The following PKD1L1 variants were observed in gnomAD, a reference collection of about 807,000 sequenced individuals.
PKD1L1 encodes the protein polycystin 1 like 1, transient receptor potential channel interacting.
PKD1L1 carries 236 observed loss-of-function variants against 323.4 expected under a neutral mutation model. The ratio of observed to expected loss-of-function variants is 0.73; its 90% CI spans 0.66 to 0.81. The LOEUF (loss-of-function observed/expected upper bound fraction) is 0.81, where lower values mean the gene tolerates loss of function less well. Among genes scored for constraint, PKD1L1 ranks in the 40% least tolerant of loss-of-function variants. The pLI, the probability that PKD1L1 is intolerant of heterozygous loss-of-function variation, is 0.00. For synonymous variants in PKD1L1, 1,344 were observed against 1,335.0 expected (o/e 1.01, Z -0.15); for missense variants, 3,320 against 3,508.0 (o/e 0.95, Z 1.35).
At chr7:47,883,482 C>T (rs1786610612) in intron 19 of PKD1L1, among the ~76,000 whole-genome samples, 1 of 152,238 alleles carries the variant, frequency 6.6e-6, no homozygotes, top group Admixed American at 6.5e-5. Flanking sequence ...AAAACCTTGG[C>T]TTAAGGGCTC....
intron 30 of PKD1L1, among the ~76,000 whole-genome samples, chr7:47,854,218 C>T (rs891919246): frequency 6.6e-6 from 1 of 152,120 alleles, no homozygotes; most frequent in Non-Finnish European, 1.5e-5. Flanking sequence ...TCACGAGAAC[C>T]CTTTAATCTA....
upstream of PKD1L1, among the ~76,000 whole-genome samples, chr7:47,952,523 TGAGA>T (rs753347367): frequency 6.2e-4 from 95 of 152,148 alleles, no homozygotes; most frequent in Non-Finnish European, 2.9e-4. Flanking sequence ...AAGCACCCCC[TGAGA>T]AAGAAATCTC....
At chr7:47,898,328 G>T in intron 13 of PKD1L1, 134 bp from the exon 14 acceptor site, 1 of 715,202 alleles carries the variant, frequency 1.4e-6, no homozygotes, top group Non-Finnish European at 2.3e-6. Flanking sequence ...GTATTCTTAG[G>T]TCTGGGCTTT....
At chr7:47,881,748 G>C (rs1786558041) in intron 20 of PKD1L1, among the ~76,000 whole-genome samples, 161 bp downstream of exon 20, 1 of 152,092 alleles carries the variant, frequency 6.6e-6, no homozygotes, top group Non-Finnish European at 1.5e-5. Flanking sequence ...TGTTAGAAGA[G>C]TCTCAGGCCA....
At chr7:47,881,527 A>T (rs1338998993) in intron 20 of PKD1L1, among the ~76,000 whole-genome samples, 1 of 152,194 alleles carries the variant, frequency 6.6e-6, no homozygotes, top group East Asian at 1.9e-4. Flanking sequence ...CTGGGCTGGG[A>T]AATTCCATTA....
At chr7:47,801,971 C>T (rs988425268) in intron 53 of PKD1L1, among the ~76,000 whole-genome samples, 1 of 152,022 alleles carries the variant, frequency 6.6e-6, no homozygotes, top group Non-Finnish European at 1.5e-5. Flanking sequence ...GCGGGCGGAT[C>T]ACGAGGTCAG....
intron 54 of PKD1L1, among the ~76,000 whole-genome samples, chr7:47,798,774 AC>A (rs1171913273): frequency 6.6e-6 from 1 of 150,736 alleles, no homozygotes; most frequent in Admixed American, 6.6e-5. Flanking sequence ...AAACAAAAAA[AC>A]CAAAAACAAA....
At chr7:47,820,168 T>G (rs2128732168) in intron 46 of PKD1L1, among the ~76,000 whole-genome samples, 1 of 152,028 alleles carries the variant, frequency 6.6e-6, no homozygotes, top group Non-Finnish European at 1.5e-5. Context: ...CAAGAACAAC[T>G]CTCAAAAAAA....
intron 56 of PKD1L1, among the ~76,000 whole-genome samples, chr7:47,784,722 C>G (rs1786770546): frequency 6.6e-6 from 1 of 152,170 alleles, no homozygotes; most frequent in African/African-American, 2.4e-5. Flanking sequence ...ATCCGCCCAT[C>G]TCAGCCTCCC....
intron 7 of PKD1L1, among the ~76,000 whole-genome samples, chr7:47,925,232 G>A (rs1261874467): frequency 2.0e-5 from 3 of 152,102 alleles, no homozygotes; most frequent in Non-Finnish European, 4.4e-5. Context: ...TGTTCAGGCC[G>A]GGTGCAGTGG....
chr7:47,900,296 T>C (rs1787057158), intron 13 of PKD1L1, among the ~76,000 whole-genome samples: 1 of 152,208 alleles, frequency 6.6e-6, no homozygotes, highest in South Asian at 2.1e-4. Flanking sequence ...TGTGAGCTGC[T>C]ACAAAAACAT....
At chr7:47,952,991 C>A (rs1788226415), upstream of PKD1L1, among the ~76,000 whole-genome samples, 1 of 152,112 alleles carries the variant, frequency 6.6e-6, no homozygotes, top group African/African-American at 2.4e-5. Flanking sequence ...TGCCTTGGGT[C>A]CTTTGGCCAC....
rs754031772 is a variant in PKD1L1 at position 47,834,418 on chromosome 7, T to C, written c.6128-33A>G. ...AAAAAAATAAAAATCCAATGTACGA[T>C]GCTTTGGGGTGATACATTTAAACAG... On this transcript the variant is annotated intron_variant, in intron 39 of 56. Transcript: ENST00000289672. 2.3e-5 allele frequency: 36 copies of C among 1,575,566 alleles called. No homozygotes were observed. In the Admixed American group the frequency reaches 4.0e-4, roughly 18 times the overall value.
intron 13 of PKD1L1, 116 bp downstream of exon 13, chr7:47,902,263 T>A: frequency 7.2e-7 from 1 of 1,395,966 alleles, no homozygotes; most frequent in Non-Finnish European, 9.6e-7. Context: ...TGCAGTAGGA[T>A]AAACTGGACA....
At position 47,861,768 on chromosome 7, in the gene PKD1L1, C is replaced by T. The variant is rs1786029990; in HGVS notation, c.4150-2883G>A. ...TGGTGGTGTGCGCCTGTAGTCTCAG[C>T]TGCTGGGGAGGCTGAGGCAGGAGAA... is the stretch of plus-strand genomic sequence containing the variant. On this transcript the variant is annotated intron_variant, in intron 26 of 56. Coordinates refer to ENST00000289672, the MANE Select transcript of PKD1L1 (RefSeq NM_138295.5). Among the ~76,000 whole-genome samples, 4 of 149,016 alleles carry T rather than the reference C, an allele frequency of 2.7e-5. No homozygotes were observed. The Admixed American group carries it at 2.7e-4, about 10-fold the overall frequency.
Position 47,946,615 on chromosome 7 carries a change from CCA to C in PKD1L1, c.44+1780_44+1781del, listed in dbSNP as rs1788102856. On this transcript the variant is annotated intron_variant, in intron 1 of 56. Transcript: ENST00000289672. This position sits in a 1 kb window ranked among gnomAD's most constrained non-coding sequence, Gnocchi z 4.1. ...CCACTCATACCATACCACACATACACCACACACTACACACAGACCACACACCA... is the reference window on the plus strand; with the variant it reads ...CCACTCATACCATACCACACATACACCACACTACACACAGACCACACACCA... 6.6e-6 allele frequency among the ~76,000 whole-genome samples: 1 copy of C among 151,418 alleles called. No individual in the cohort carries two copies. The highest frequency in any genetic ancestry group is 6.6e-5 in the Admixed American group (1 of 15,188).
chr7:47,789,460 TA>T (rs1786888998), intron 56 of PKD1L1, among the ~76,000 whole-genome samples: 1 of 152,260 alleles, frequency 6.6e-6, no homozygotes, highest in Non-Finnish European at 1.5e-5. Context: ...TAATTGTTCG[TA>T]AAAAGATTCA....
At chr7:47,829,846 A>C (rs1189235012) in intron 43 of PKD1L1, among the ~76,000 whole-genome samples, 194 bp downstream of exon 43, 1 of 152,196 alleles carries the variant, frequency 6.6e-6, no homozygotes. Flanking sequence ...CCCTCCTCAA[A>C]GATTTTTATG....
chr7:47,886,066 G>C lies in PKD1L1; in HGVS notation c.2837-12C>G. 6.3e-7 allele frequency: 1 copy of C among 1,588,834 alleles called. No individual in the cohort carries two copies. Among genetic ancestry groups the C allele is most frequent in the South Asian group, 1.1e-5 (1 of 87,428 alleles). Reference sequence around the variant, plus strand: ...TCTGCAGAAGGGAACTTAAGCAAACGTTTGGCAGTGTTAGAATTTTGCAGC... The same window carrying C: ...TCTGCAGAAGGGAACTTAAGCAAACCTTTGGCAGTGTTAGAATTTTGCAGC... On this transcript the variant is annotated splice_polypyrimidine_tract_variant and intron_variant, in intron 17 of 56. Transcript: ENST00000289672.
Sources: allele counts gnomAD v4.1 joint callset (sites outside exome capture counted in the v4.1 genomes callset), GRCh38; gene constraint gnomAD v4.1.1; non-coding constraint Gnocchi (gnomAD v3.1); transcripts MANE v1.5; gene names NCBI Gene and HGNC (gene_info 2026-07-23, HGNC 2026-07-21).